CTIF: variants seen among roughly 807,000 people sequenced by gnomAD.
CTIF encodes the protein cap binding complex dependent translation initiation factor, also known as CBP80/20-dependent translation initiation factor.
CTIF carries 21 observed loss-of-function variants against 66.0 expected under a neutral mutation model. That is an observed-to-expected ratio of 0.32 (90% confidence interval 0.23 to 0.46). The LOEUF (loss-of-function observed/expected upper bound fraction) is 0.46, where lower values mean the gene tolerates loss of function less well. Ranked by LOEUF, CTIF falls within the 20% of genes least tolerant of loss-of-function variation. The pLI, the probability that CTIF is intolerant of heterozygous loss-of-function variation, is 1.00. For missense variants in CTIF, 739 were observed against 812.7 expected, an observed-to-expected ratio of 0.91 and a Z score of 1.10; for synonymous variants, 345 against 326.4, an observed-to-expected ratio of 1.06 and a Z score of -0.62.
chr18:48,761,455 G>C lies in CTIF; in HGVS notation c.1137G>C (p.Leu379=). 6.2e-7 allele frequency: 1 copy of C among 1,614,178 alleles called. No individual in the cohort carries two copies. Among genetic ancestry groups the C allele is most frequent in the East Asian group, 2.2e-5 (1 of 44,884 alleles). The change falls in exon 9 of 12, where the codon CTG becomes CTC. Residue 379 remains leucine (L), a synonymous_variant. Coordinates refer to ENST00000256413, the MANE Select transcript of CTIF (RefSeq NM_014772.3). This position sits in a 1 kb window ranked among gnomAD's most constrained non-coding sequence, Gnocchi z 4.2. Reference sequence around the variant, plus strand: ...AGATGGACAAGCTGATCGAGATCCTGAACAGCATGCGGAACAACAGCAGCG... The same window carrying C: ...AGATGGACAAGCTGATCGAGATCCTCAACAGCATGCGGAACAACAGCAGCG... ...QNKMDKLIEI[L]NSMRNNSSDV...
At chr18:48,771,825 G>T (rs554671189) in intron 9 of CTIF, among the ~76,000 whole-genome samples, 2 of 152,356 alleles carry the variant, frequency 1.3e-5, no homozygotes, top group South Asian at 4.1e-4. Context: ...CCCAGCCGCC[G>T]CGGGGAATCT....
At chr18:48,645,278 C>CAAAAAAAAAAAAAAAAAAAAAAAA (rs74174711) in intron 3 of CTIF, among the ~76,000 whole-genome samples, 2 of 69,182 alleles carry the variant, frequency 2.9e-5, no homozygotes, top group Non-Finnish European at 5.2e-5. Context: ...TGGACACAGG[C>CAAAAAAAAAAAAAAAAAAAAAAAA]AAAAAAAAAA....
chr18:48,701,899 T>A (rs1016880539), intron 6 of CTIF, among the ~76,000 whole-genome samples: 2 of 152,180 alleles, frequency 1.3e-5, no homozygotes, highest in Non-Finnish European at 2.9e-5. Flanking sequence ...CTCCTAAAGT[T>A]GTATCATGTT....
At chr18:48,856,727 G>A (rs879496670) in intron 10 of CTIF, among the ~76,000 whole-genome samples, 5 of 152,176 alleles carry the variant, frequency 3.3e-5, no homozygotes, top group Admixed American at 2.0e-4. Flanking sequence ...ACATAGAATC[G>A]GGGGGAGTTG....
At chr18:48,606,667 T>TG (rs1273407466) in intron 1 of CTIF, among the ~76,000 whole-genome samples, 2 of 152,106 alleles carry the variant, frequency 1.3e-5, no homozygotes, top group African/African-American at 2.4e-5. Flanking sequence ...TAGCAGCTTA[T>TG]GGGGGATGTT....
chr18:48,613,596 C>T (rs11873086), intron 1 of CTIF, among the ~76,000 whole-genome samples: 3,467 of 152,286 alleles, frequency 0.023, 116 homozygotes, highest in African/African-American at 0.077. Flanking sequence ...CTAACTGGGC[C>T]GTTGTGACAA....
Position 48,677,782 on chromosome 18 carries a change from G to A in CTIF, c.507+7038G>A, listed in dbSNP as rs139540989. 3.8e-3 allele frequency among the ~76,000 whole-genome samples: 584 copies of A among 152,080 alleles called. 3 individuals are homozygous for A. The highest frequency in any genetic ancestry group is 0.013 in the African/African-American group (540 of 41,468). The stretch of plus-strand genomic sequence containing the variant: ...GTACGTTCCCCTGGGGCACATCTAG[G>A]GGCTCATTAAATATGGGTTGAGTGA... On this transcript the variant is annotated intron_variant, in intron 6 of 11. Coordinates refer to ENST00000256413, the MANE Select transcript of CTIF (RefSeq NM_014772.3).
intron 10 of CTIF, among the ~76,000 whole-genome samples, chr18:48,820,146 C>T (rs1227450367): frequency 6.6e-6 from 1 of 152,186 alleles, no homozygotes; most frequent in Non-Finnish European, 1.5e-5. Context: ...CTCCTGAACT[C>T]CAGGTAGGGC....
In CTIF at chr18:48,711,667, C is replaced by G; in HGVS notation, c.556C>G (p.Leu186Val). ...AGTGGAGATCGCACACACCAAGAAG[C>G]TGTTCCGCAGGAGGAGAAATGATCG... ...HEVEIAHTKK[L>V]FRRRRNDRRR... is the part of the protein sequence containing the mutation. The change falls in exon 7 of 12, where the codon CTG becomes GTG. Residue 186 changes from leucine to valine, a missense_variant. Coordinates refer to ENST00000256413, the MANE Select transcript of CTIF (RefSeq NM_014772.3). 1 of 1,614,128 alleles carries G rather than the reference C, an allele frequency of 6.2e-7. No individual in the cohort carries two copies.
chr18:48,566,973 A>T (rs972588176), intron 1 of CTIF: 4 of 152,198 alleles, frequency 2.6e-5, no homozygotes, highest in Admixed American at 6.5e-5. Flanking sequence ...TTAAATTTTT[A>T]AAAAATTCTG....
chr18:48,608,626 G>A (rs560596136), intron 1 of CTIF, among the ~76,000 whole-genome samples: 2 of 152,206 alleles, frequency 1.3e-5, no homozygotes, highest in Admixed American at 6.5e-5. Context: ...AGAGAGAAAG[G>A]GTTGCTGTTC....
At chr18:48,846,530 G>GATGGATGA (rs1288015274) in intron 10 of CTIF, among the ~76,000 whole-genome samples, 24 of 146,554 alleles carry the variant, frequency 1.6e-4, no homozygotes, top group Non-Finnish European at 3.0e-4. Context: ...TGGATGGATG[G>GATGGATGA]ATGGATGGAT....
chr18:48,655,463 A>G (rs554018156), intron 3 of CTIF, among the ~76,000 whole-genome samples: 6 of 152,282 alleles, frequency 3.9e-5, no homozygotes, highest in Admixed American at 3.9e-4. Flanking sequence ...CCCCGTGTCC[A>G]TGAAGTGAGA....
intron 1 of CTIF, among the ~76,000 whole-genome samples, chr18:48,546,998 C>T (rs921531437): frequency 6.6e-6 from 1 of 152,170 alleles, no homozygotes; most frequent in Non-Finnish European, 1.5e-5. Context: ...ACTGTGAGCT[C>T]TAGGGCATCA....
At chr18:48,624,121 C>T (rs1468186277) in intron 2 of CTIF, among the ~76,000 whole-genome samples, 1 of 150,340 alleles carries the variant, frequency 6.7e-6, no homozygotes, top group Admixed American at 6.6e-5. Context: ...CACCCCTCCC[C>T]ATGCTTGACA....
intron 1 of CTIF, among the ~76,000 whole-genome samples, chr18:48,551,018 A>G (rs2088869483): frequency 6.6e-6 from 1 of 151,712 alleles, no homozygotes; most frequent in Non-Finnish European, 1.5e-5. Flanking sequence ...TGTCCTCTCA[A>G]AATTCATATG....
At chr18:48,767,905 G>A (rs1322692376) in intron 9 of CTIF, among the ~76,000 whole-genome samples, 2 of 152,162 alleles carry the variant, frequency 1.3e-5, no homozygotes, top group Non-Finnish European at 2.9e-5. Flanking sequence ...TAGCACAGAA[G>A]GGGCACTCAA....
At chr18:48,604,148 C>T (rs1201871297) in intron 1 of CTIF, among the ~76,000 whole-genome samples, 3 of 135,726 alleles carry the variant, frequency 2.2e-5, no homozygotes, top group Non-Finnish European at 3.1e-5. Context: ...CCCGCTGACT[C>T]CGTGATTTTT....
intron 9 of CTIF, among the ~76,000 whole-genome samples, chr18:48,812,795 C>T (rs943732152): frequency 2.6e-5 from 4 of 151,722 alleles, no homozygotes; most frequent in Non-Finnish European, 5.9e-5. Flanking sequence ...AAAATTATTC[C>T]GCTAAGTAAA....
Sources: allele counts gnomAD v4.1 joint callset (sites outside exome capture counted in the v4.1 genomes callset), GRCh38; gene constraint gnomAD v4.1.1; non-coding constraint Gnocchi (gnomAD v3.1); transcripts MANE v1.5; gene names NCBI Gene and HGNC (gene_info 2026-07-23, HGNC 2026-07-21).